Variants in CAPN5 observed in about 807,000 individuals in gnomAD.
CAPN5 encodes the protein calpain-5.
A neutral mutation model predicts 73.0 loss-of-function variants in CAPN5; 54 were observed. The ratio of observed to expected loss-of-function variants is 0.74; its 90% CI spans 0.59 to 0.93. The LOEUF (loss-of-function observed/expected upper bound fraction) is 0.93. Among genes scored for constraint, CAPN5 ranks in the 40% least tolerant of loss-of-function variants. CAPN5 has a pLI of 0.00. For missense variants in CAPN5, 785 were observed against 882.9 expected, an observed-to-expected ratio of 0.89 and a Z score of 1.41; for synonymous variants, 335 against 356.9, an observed-to-expected ratio of 0.94 and a Z score of 0.69.
At chr11:77,115,319 A>G (rs1950454977) in intron 5 of CAPN5, 76 bp from the exon 6 acceptor site, 1 of 1,240,806 alleles carries the variant, frequency 8.1e-7, no homozygotes, top group Non-Finnish European at 1.1e-6. Context: ...GCAGCCTCCT[A>G]GCCCTCCAGC....
At chr11:77,121,901 A>T (rs1555042855) in intron 10 of CAPN5, 33 bp from the exon 11 acceptor site, 13 of 1,284,390 alleles carry the variant, frequency 1.0e-5, no homozygotes, top group Non-Finnish European at 1.1e-5. Context: ...GCCCTTCTCC[A>T]TCACTCCCCT....
intron 7 of CAPN5, among the ~76,000 whole-genome samples, chr11:77,116,900 G>A (rs1231376267): frequency 6.6e-6 from 1 of 152,218 alleles, no homozygotes; most frequent in Non-Finnish European, 1.5e-5. Context: ...GAGCTAAGCA[G>A]GTACATGGGT....
At chr11:77,101,652 T>C (rs139153540) in intron 3 of CAPN5, among the ~76,000 whole-genome samples, 2 of 152,336 alleles carry the variant, frequency 1.3e-5, no homozygotes, top group Non-Finnish European at 2.9e-5. Flanking sequence ...TGTGGTCCAC[T>C]AGACCCTTCA....
intron 3 of CAPN5, among the ~76,000 whole-genome samples, chr11:77,094,416 G>C (rs782108745): frequency 7.9e-5 from 12 of 152,158 alleles, no homozygotes; most frequent in Non-Finnish European, 1.2e-4. Flanking sequence ...CAAAGGGTTT[G>C]GGTTGGAAAG....
intron 3 of CAPN5, among the ~76,000 whole-genome samples, chr11:77,110,828 A>G (rs962157777): frequency 6.6e-6 from 1 of 152,200 alleles, no homozygotes; most frequent in African/African-American, 2.4e-5. Context: ...CTTAATGAGC[A>G]TGCAGTGGGG....
At chr11:77,089,016 C>A (rs1950121525) in intron 2 of CAPN5, among the ~76,000 whole-genome samples, 2 of 152,132 alleles carry the variant, frequency 1.3e-5, no homozygotes, top group African/African-American at 4.8e-5. Flanking sequence ...CCACTTTGTC[C>A]CCCCTCCCTC....
At chr11:77,069,986 AC>A (rs1447036526) in intron 1 of CAPN5, among the ~76,000 whole-genome samples, 1 of 151,868 alleles carries the variant, frequency 6.6e-6, no homozygotes, top group African/African-American at 2.4e-5. Flanking sequence ...TTCCCTGCTC[AC>A]CCAAGGCAAA....
At chr11:77,101,688 GC>G (rs1280377562) in intron 3 of CAPN5, among the ~76,000 whole-genome samples, 1 of 152,104 alleles carries the variant, frequency 6.6e-6, no homozygotes, top group Non-Finnish European at 1.5e-5. Context: ...TGATACCTTG[GC>G]CTTGACTCTG....
chr11:77,121,440 G>A (rs947970456), intron 10 of CAPN5, among the ~76,000 whole-genome samples: 5 of 152,246 alleles, frequency 3.3e-5, no homozygotes, highest in South Asian at 4.1e-4. Context: ...GCCCAGGCTC[G>A]GTGTCCCCTG....
At chr11:77,091,490 T>C (rs1950148646) in intron 2 of CAPN5, among the ~76,000 whole-genome samples, 1 of 152,304 alleles carries the variant, frequency 6.6e-6, no homozygotes, top group East Asian at 1.9e-4. Context: ...TTTCCTTATC[T>C]GTAAAAGGGG....
chr11:77,081,646 G>C (rs79539395), intron 1 of CAPN5, among the ~76,000 whole-genome samples: 1 of 152,204 alleles, frequency 6.6e-6, no homozygotes, highest in African/African-American at 2.4e-5. Flanking sequence ...ATGCAGACCA[G>C]TGAGGTAATG....
intron 3 of CAPN5, 91 bp from the exon 4 acceptor site, chr11:77,112,498 G>A (rs890434674): frequency 9.0e-6 from 9 of 998,920 alleles, no homozygotes; most frequent in Non-Finnish European, 1.3e-5. Flanking sequence ...TTTACATTCC[G>A]ATTCGCTGGA....
intron 1 of CAPN5, among the ~76,000 whole-genome samples, chr11:77,083,532 G>A (rs782548359): frequency 2.5e-4 from 38 of 152,294 alleles, no homozygotes; most frequent in South Asian, 2.1e-4. Flanking sequence ...TCACTGAGCC[G>A]CAGTTGTATT....
chr11:77,076,975 T>A (rs184574869), intron 1 of CAPN5, among the ~76,000 whole-genome samples: 170 of 152,368 alleles, frequency 1.1e-3, no homozygotes, highest in Non-Finnish European at 1.8e-3. Flanking sequence ...TAATTTACAT[T>A]CCCACCAACA....
At chr11:77,122,085 G>T in intron 11 of CAPN5, 36 bp downstream of exon 11, 3 of 1,293,436 alleles carry the variant, frequency 2.3e-6, no homozygotes, top group East Asian at 2.6e-5. Flanking sequence ...CGGCCCTCCT[G>T]CCAGTTGTCC....
chr11:77,115,457 C>T lies in CAPN5; in HGVS notation c.762C>T (p.Tyr254=), dbSNP rs199542451. ...GCGGCCTGGTAAAGGGCCACGCATA[C>T]GCCGTCACTGATGTGCGCAAGGTGC... The part of the protein sequence containing the change: ...LACGLVKGHA[Y]AVTDVRKVRL... Residue 254 remains tyrosine (Y), a synonymous_variant, in exon 6 of 13, where the codon TAC becomes TAT. Transcript: ENST00000648180. The T allele has an allele frequency of 9.9e-6, 16 of 1,612,890 alleles. No homozygotes were observed. The highest frequency in any genetic ancestry group is 4.5e-5 in the East Asian group (2 of 44,898).
Position 77,106,514 on chromosome 11 carries a change from G to A in CAPN5, c.298-6075G>A, listed in dbSNP as rs935639318. 8.6e-5 allele frequency among the ~76,000 whole-genome samples: 13 copies of A among 152,036 alleles called. No homozygotes were observed. The South Asian group carries it at 2.1e-3, about 24-fold the overall frequency. On this transcript the variant is annotated intron_variant, in intron 3 of 12. Coordinates refer to ENST00000648180, the MANE Select transcript of CAPN5 (RefSeq NM_004055.5). Reference sequence around the variant, plus strand: ...CAGAGAGGCAGCTAGTGTGGTGAGCGACCTAGCCAGCCCCGCCCTGCCAGC... The same window carrying A: ...CAGAGAGGCAGCTAGTGTGGTGAGCAACCTAGCCAGCCCCGCCCTGCCAGC...
chr11:77,093,573 T>C, intron 2 of CAPN5, 109 bp from the exon 3 acceptor site: 1 of 1,427,202 alleles, frequency 7.0e-7, no homozygotes, highest in Non-Finnish European at 9.4e-7. Flanking sequence ...ATGCTGATGA[T>C]CACACAGCAA....
At chr11:77,101,469 T>G (rs1950283379) in intron 3 of CAPN5, among the ~76,000 whole-genome samples, 1 of 152,164 alleles carries the variant, frequency 6.6e-6, no homozygotes, top group African/African-American at 2.4e-5. Flanking sequence ...GCTGTATGGT[T>G]CTCTCAAATA....
Sources: gnomAD v4.1 joint callset for allele counts (sites outside exome capture counted in the v4.1 genomes callset) on GRCh38, gnomAD v4.1.1 for gene constraint, MANE v1.5 for transcripts, NCBI Gene and HGNC (gene_info 2026-07-23, HGNC 2026-07-21) for gene names.